RECK: variants seen among roughly 807,000 people sequenced by gnomAD.
The protein encoded by RECK is reversion-inducing cysteine-rich protein with Kazal motifs.
Under a neutral mutation model 115.1 loss-of-function variants are expected in RECK, and 69 were observed. The observed-to-expected ratio is 0.60, with a 90% CI of 0.49 to 0.73. The LOEUF (loss-of-function observed/expected upper bound fraction) is 0.73, where lower values mean the gene tolerates loss of function less well. Among genes scored for constraint, RECK ranks in the 30% least tolerant of loss-of-function variants. The pLI, the probability that RECK is intolerant of heterozygous loss-of-function variation, is 0.00. For synonymous variants in RECK, 414 were observed against 419.7 expected (o/e 0.99, Z 0.17); for missense variants, 1,047 against 1,203.7 (o/e 0.87, Z 1.93).
chr9:36,110,887 G>T (rs907439149), intron 15 of RECK, among the ~76,000 whole-genome samples: 1 of 152,062 alleles, frequency 6.6e-6, no homozygotes, highest in Non-Finnish European at 1.5e-5. Context: ...ATAAAAAGGG[G>T]ATCAGAAATA....
At chr9:36,068,070 T>C (rs148511955) in intron 6 of RECK, among the ~76,000 whole-genome samples, 51 of 152,286 alleles carry the variant, frequency 3.3e-4, no homozygotes, top group African/African-American at 1.1e-3. Context: ...CTCAACTCAT[T>C]ATTAATGAGA....
intron 10 of RECK, among the ~76,000 whole-genome samples, chr9:36,097,529 A>G (rs1364007567): frequency 6.6e-6 from 1 of 152,158 alleles, no homozygotes; most frequent in Non-Finnish European, 1.5e-5. Context: ...GGAAGATAAC[A>G]ATTGTTAGCA....
chr9:36,070,744 C>G (rs949194097), intron 6 of RECK, among the ~76,000 whole-genome samples: 1 of 152,180 alleles, frequency 6.6e-6, no homozygotes, highest in Non-Finnish European at 1.5e-5. Flanking sequence ...CTCTCTTATT[C>G]TGATGAATAC....
At chr9:36,056,386 A>G (rs866483454) in intron 2 of RECK, among the ~76,000 whole-genome samples, 1 of 152,138 alleles carries the variant, frequency 6.6e-6, no homozygotes, top group Non-Finnish European at 1.5e-5. Flanking sequence ...GCAGTTGGTT[A>G]TATGTTTTTT....
At position 36,109,951 on chromosome 9, in the gene RECK, T is replaced by C. The variant is rs1451027002; in HGVS notation, c.1766-6T>C. On this transcript the variant is annotated splice_region_variant and splice_polypyrimidine_tract_variant and intron_variant, in intron 14 of 20. Transcript: ENST00000377966. ...TAGATCAACATTTTCTTTCTGTTTC[T>C]GTCAGGTCATGGAACATCCTTTAGT... is the stretch of plus-strand genomic sequence containing the variant. 6.2e-7 allele frequency: 1 copy of C among 1,607,122 alleles called. No individual in the cohort carries two copies. The highest frequency in any genetic ancestry group is 1.1e-5 in the South Asian group (1 of 90,894).
intron 1 of RECK, among the ~76,000 whole-genome samples, chr9:36,043,620 C>T (rs1461834080): frequency 1.3e-5 from 2 of 151,788 alleles, no homozygotes; most frequent in African/African-American, 4.8e-5. Context: ...TGGGTTTTTC[C>T]GATGTTATCT....
intron 10 of RECK, among the ~76,000 whole-genome samples, chr9:36,092,555 T>G (rs919228579): frequency 7.1e-6 from 1 of 140,462 alleles, no homozygotes; most frequent in African/African-American, 2.7e-5. Flanking sequence ...TTTTTTTTTT[T>G]TTTTTTTTGT....
chr9:36,052,414 C>A, intron 2 of RECK, 91 bp downstream of exon 2: 2 of 910,410 alleles, frequency 2.2e-6, no homozygotes, highest in Non-Finnish European at 3.6e-6. Context: ...GGGAGGATTG[C>A]TTAAGGCCAG....
intron 16 of RECK, among the ~76,000 whole-genome samples, chr9:36,116,397 C>G (rs1824267299): frequency 6.6e-6 from 1 of 152,232 alleles, no homozygotes; most frequent in South Asian, 2.1e-4. Context: ...AAAGTGCTAG[C>G]ATTACAGGCG....
intron 6 of RECK, among the ~76,000 whole-genome samples, chr9:36,070,347 A>T (rs1421494975): frequency 6.6e-6 from 1 of 152,222 alleles, no homozygotes; most frequent in Non-Finnish European, 1.5e-5. Context: ...CAGACTAAAG[A>T]TGAGGAGAAT....
Position 36,100,517 on chromosome 9 carries a change from T to C in RECK, c.1272T>C (p.Ser424=). The change falls in exon 11 of 21, where the codon AGT becomes AGC. Residue 424 remains serine (S), a synonymous_variant. Transcript: ENST00000377966. ...ACSLQIKPCH[S]KSRGSIICKS... is the part of the protein sequence containing the mutation. ...CACTGCAGATTAAACCTTGTCATAG[T>C]AAATCTCGGGGAAGTATTATTTGCA... 1 of 1,613,812 alleles carries C rather than the reference T, an allele frequency of 6.2e-7. No individual in the cohort carries two copies. The highest frequency in any genetic ancestry group is 8.5e-7 in the Non-Finnish European group (1 of 1,179,754).
At chr9:36,114,868 A>G (rs188709957) in intron 16 of RECK, among the ~76,000 whole-genome samples, 1 of 152,022 alleles carries the variant, frequency 6.6e-6, no homozygotes, top group East Asian at 1.9e-4. Flanking sequence ...ACAAAACAAA[A>G]AACACTAAAA....
intron 6 of RECK, among the ~76,000 whole-genome samples, chr9:36,068,028 G>T (rs116932397): frequency 0.014 from 2,091 of 152,048 alleles, 42 homozygotes; most frequent in East Asian, 0.061. Flanking sequence ...AGGTAAAGTG[G>T]GACCAAATCC....
intron 6 of RECK, among the ~76,000 whole-genome samples, chr9:36,067,715 C>T (rs115132627): frequency 0.012 from 1,840 of 152,106 alleles, 45 homozygotes; most frequent in African/African-American, 0.042. Context: ...GTTTAGAATT[C>T]TGATTAAGCA....
chr9:36,107,985 T>C lies in RECK; in HGVS notation c.1586T>C (p.Leu529Pro). 5 of 1,611,278 alleles carry C rather than the reference T, an allele frequency of 3.1e-6. No individual in the cohort carries two copies. The highest frequency in any genetic ancestry group is 4.2e-6 in the Non-Finnish European group (5 of 1,178,902). ...ATTTTTGCTTGTACAGGTTGCAAAC[T>C]GGGAGAAGCTTCTGATTTCATTGTC... ...LPYFCVQGCK[L>P]GEASDFIVRQ... Residue 529 changes from leucine to proline, a missense_variant, in exon 14 of 21, where the codon CTG becomes CCG. Coordinates refer to ENST00000377966, the MANE Select transcript of RECK (RefSeq NM_021111.3).
chr9:36,038,002 TAAAAAAAAAA>T (rs370999682), intron 1 of RECK, among the ~76,000 whole-genome samples: 1 of 112,506 alleles, frequency 8.9e-6, no homozygotes, highest in Admixed American at 9.5e-5. Context: ...AGAGACACCT[TAAAAAAAAAA>T]AAAAAAAAAG....
intron 2 of RECK, among the ~76,000 whole-genome samples, chr9:36,054,489 G>A (rs1377738841): frequency 7.5e-6 from 1 of 133,058 alleles, no homozygotes; most frequent in African/African-American, 2.8e-5. Flanking sequence ...CTGAGAAAAG[G>A]CCCTTAGTTT....
chr9:36,105,638 T>C (rs1823773061), intron 13 of RECK, among the ~76,000 whole-genome samples: 2 of 152,156 alleles, frequency 1.3e-5, no homozygotes, highest in Admixed American at 1.3e-4. Flanking sequence ...CTCTTCTATG[T>C]TGTAATGTTT....
chr9:36,082,839 C>T (rs750497199), intron 7 of RECK, among the ~76,000 whole-genome samples: 8 of 152,194 alleles, frequency 5.3e-5, no homozygotes, highest in South Asian at 4.1e-4. Context: ...ATGATCCTTA[C>T]ATCACTTAGT....
Sources: allele counts gnomAD v4.1 joint callset (sites outside exome capture counted in the v4.1 genomes callset), GRCh38; gene constraint gnomAD v4.1.1; transcripts MANE v1.5; gene names NCBI Gene and HGNC (gene_info 2026-07-23, HGNC 2026-07-21).